COL22A1: variants seen among roughly 807,000 people sequenced by gnomAD.
COL22A1 encodes collagen alpha-1(XXII) chain.
A neutral mutation model predicts 248.9 loss-of-function variants in COL22A1; 221 were observed. That is an observed-to-expected ratio of 0.89 (90% CI 0.80 to 0.99). The LOEUF (loss-of-function observed/expected upper bound fraction) is 0.99, where lower values mean the gene tolerates loss of function less well. COL22A1 is among the 50% of genes least tolerant of loss of function. COL22A1 has a pLI of 0.00. For missense variants in COL22A1, 2,240 were observed against 2,179.0 expected, an observed-to-expected ratio of 1.03 and a Z score of -0.56; for synonymous variants, 891 against 793.4, an observed-to-expected ratio of 1.12 and a Z score of -2.07.
intron 47 of COL22A1, among the ~76,000 whole-genome samples, chr8:138,641,388 A>G (rs148353924): frequency 3.1e-3 from 473 of 152,296 alleles, no homozygotes; most frequent in African/African-American, 0.01. Context: ...AGAAGGAAAT[A>G]AAAACGCTTT....
At chr8:138,703,501 T>C (rs933556116) in intron 30 of COL22A1, among the ~76,000 whole-genome samples, 154 bp from the exon 31 acceptor site, 12 of 152,200 alleles carry the variant, frequency 7.9e-5, no homozygotes, top group African/African-American at 2.9e-4. Context: ...CCTTGATAGA[T>C]ACATACATAC....
chr8:138,725,158 C>CA (rs1178493923), intron 24 of COL22A1, among the ~76,000 whole-genome samples: 2 of 152,246 alleles, frequency 1.3e-5, no homozygotes, highest in Non-Finnish European at 2.9e-5. Flanking sequence ...ACTCTGGAGG[C>CA]AGCCACCAAA....
intron 57 of COL22A1, among the ~76,000 whole-genome samples, chr8:138,607,383 C>T (rs1818503903): frequency 1.3e-5 from 2 of 152,160 alleles, no homozygotes; most frequent in African/African-American, 4.8e-5. Flanking sequence ...AACCATCTTC[C>T]CCACCATGTC....
chr8:138,904,388 G>A (rs560436764), intron 1 of COL22A1, among the ~76,000 whole-genome samples: 6 of 151,916 alleles, frequency 3.9e-5, no homozygotes, highest in South Asian at 2.1e-4. Flanking sequence ...CAACCCCTGC[G>A]GCCTCCCTGG....
rs546324034 is a variant in COL22A1, at chr8:138,675,956, G to C, written c.3150+602C>G. On this transcript the variant is annotated intron_variant, in intron 41 of 64. Transcript: ENST00000303045. Reference sequence around the variant, plus strand: ...GCCTTCTATTTCTAGAGGCATTCAGGTGGAGGCCGAAGATATTGATAGCAA... The same window carrying C: ...GCCTTCTATTTCTAGAGGCATTCAGCTGGAGGCCGAAGATATTGATAGCAA... 4.9e-4 allele frequency among the ~76,000 whole-genome samples: 75 copies of C among 152,274 alleles called. 1 individual carries two copies. Among genetic ancestry groups the C allele is most frequent in the African/African-American group, 1.7e-3 (70 of 41,542 alleles).
intron 23 of COL22A1, among the ~76,000 whole-genome samples, chr8:138,733,975 C>G (rs1429144621): frequency 6.6e-6 from 1 of 152,114 alleles, no homozygotes. Context: ...CGTGAGAAAC[C>G]ACCTGTACAG....
intron 7 of COL22A1, among the ~76,000 whole-genome samples, chr8:138,815,868 A>C (rs1818642136): frequency 6.6e-6 from 1 of 151,998 alleles, no homozygotes; most frequent in Admixed American, 6.6e-5. Context: ...CCCTGGACTG[A>C]CCACTCCCCT....
In COL22A1 at chr8:138,737,710, G is replaced by A. The variant is rs533870400; in HGVS notation, c.2086-133C>T. 8 of 634,164 alleles carry A rather than the reference G, an allele frequency of 1.3e-5. No individual in the cohort carries two copies. The South Asian group carries it at 1.5e-4, about 12-fold the overall frequency. The allele number at this position is 634,164 out of a possible 1,614,324, so 39.3% of individuals were successfully genotyped here. ...CCAGATTAACAATTGTCCCTCAGGA[G>A]TGCCCCACAGAGGAACAATGTGGGA... On this transcript the variant is annotated intron_variant, in intron 22 of 64. Coordinates refer to ENST00000303045, the MANE Select transcript of COL22A1 (RefSeq NM_152888.3).
In COL22A1 at chr8:138,826,738, T is replaced by C; in HGVS notation, c.889A>G (p.Thr297Ala). ...GAGGTTTTCCTGAACCGGAAGGTTG[T>C]GACAAAGGCGTACTCATCAGGTAAA... The part of the protein sequence containing the change: ...QGLPDEYAFV[T>A]TFRFRKTSRK... The change falls in exon 6 of 65, where the codon ACA becomes GCA. Residue 297 changes from threonine (T) to alanine (A), a missense_variant. By Grantham distance (58) the Thr-to-Ala change is moderately conservative. Coordinates refer to ENST00000303045, the MANE Select transcript of COL22A1 (RefSeq NM_152888.3). 6.2e-7 allele frequency: 1 copy of C among 1,614,036 alleles called. No individual in the cohort carries two copies. The highest frequency in any genetic ancestry group is 1.3e-5 in the African/African-American group (1 of 75,020).
chr8:138,634,498 G>C (rs1057238660), intron 49 of COL22A1, among the ~76,000 whole-genome samples: 15 of 152,000 alleles, frequency 9.9e-5, no homozygotes, highest in African/African-American at 3.6e-4. Context: ...CTAATCTATG[G>C]GCAGCCTACA....
chr8:138,647,703 C>T (rs1336436324), intron 46 of COL22A1, among the ~76,000 whole-genome samples: 3 of 152,084 alleles, frequency 2.0e-5, no homozygotes, highest in Non-Finnish European at 2.9e-5. Context: ...GGGTTCGTGG[C>T]CCCCTGCCAG....
intron 3 of COL22A1, among the ~76,000 whole-genome samples, chr8:138,864,756 C>T (rs1375240225): frequency 6.6e-6 from 1 of 152,178 alleles, no homozygotes; most frequent in Non-Finnish European, 1.5e-5. Flanking sequence ...CTTGGCTCCA[C>T]ATTCCAACCT....
chr8:138,851,552 A>G (rs1821646943), intron 3 of COL22A1, among the ~76,000 whole-genome samples: 1 of 152,170 alleles, frequency 6.6e-6, no homozygotes, highest in African/African-American at 2.4e-5. Context: ...AAATGGCCCA[A>G]GGGTTCCTCA....
At chr8:138,827,535 A>T (rs1414024132) in intron 5 of COL22A1, among the ~76,000 whole-genome samples, 1 of 151,792 alleles carries the variant, frequency 6.6e-6, no homozygotes, top group Non-Finnish European at 1.5e-5. Flanking sequence ...ATAGACTGGG[A>T]TGTAGCACAT....
chr8:138,704,052 T>G (rs1828194576), intron 30 of COL22A1, among the ~76,000 whole-genome samples: 2 of 152,160 alleles, frequency 1.3e-5, no homozygotes, highest in African/African-American at 4.8e-5. Flanking sequence ...GAGATCAAAC[T>G]GCAAGGTGGC....
intron 32 of COL22A1, among the ~76,000 whole-genome samples, chr8:138,695,382 T>TG (rs377422335): frequency 3.9e-5 from 6 of 152,168 alleles, no homozygotes; most frequent in African/African-American, 1.2e-4. Flanking sequence ...CTAGTAGAGA[T>TG]GGGGTCTCAT....
intron 3 of COL22A1, among the ~76,000 whole-genome samples, chr8:138,867,921 T>C (rs1199485854): frequency 1.3e-5 from 2 of 151,990 alleles, no homozygotes; most frequent in Non-Finnish European, 2.9e-5. Context: ...CATGCCAACA[T>C]GCCTGGCTAA....
At chr8:138,639,040 A>T (rs1821441019) in intron 47 of COL22A1, among the ~76,000 whole-genome samples, 1 of 152,012 alleles carries the variant, frequency 6.6e-6, no homozygotes, top group Non-Finnish European at 1.5e-5. Flanking sequence ...TCTTCCAGGA[A>T]CTCTGCCAAG....
At position 138,649,861 on chromosome 8, in the gene COL22A1, C is replaced by T; in HGVS notation, c.3334-83G>A. 5 of 806,372 alleles carry T rather than the reference C, an allele frequency of 6.2e-6. No homozygotes were observed. In the South Asian group the frequency reaches 7.4e-5, roughly 12 times the overall value. 50.0% of individuals were successfully genotyped at this position (806,372 alleles called of 1,614,324 possible). A position where few individuals can be genotyped will look rare whatever the true frequency, so the allele number is the denominator to read the frequency against. Reference sequence around the variant, plus strand: ...AAGCAAAGCAAAGTAGCCCTGGCTGCTATCTCTCCAGATGGAGATTTGGTT... The same window carrying T: ...AAGCAAAGCAAAGTAGCCCTGGCTGTTATCTCTCCAGATGGAGATTTGGTT... On this transcript the variant is annotated intron_variant, in intron 45 of 64. Coordinates refer to ENST00000303045, the MANE Select transcript of COL22A1 (RefSeq NM_152888.3).
Sources: allele counts gnomAD v4.1 joint callset (sites outside exome capture counted in the v4.1 genomes callset), GRCh38; gene constraint gnomAD v4.1.1; transcripts MANE v1.5; gene names NCBI Gene and HGNC (gene_info 2026-07-23, HGNC 2026-07-21).